Variants in TENM1 observed in about 807,000 individuals in gnomAD.
The protein encoded by TENM1 is teneurin transmembrane protein 1.
A neutral mutation model predicts 174.8 loss-of-function variants in TENM1; 35 were observed. The ratio of observed to expected loss-of-function variants is 0.20; its 90% CI spans 0.15 to 0.27. The LOEUF (loss-of-function observed/expected upper bound fraction) is 0.27, where lower values mean the gene tolerates loss of function less well. Ranked by LOEUF, TENM1 falls within the 10% of genes least tolerant of loss-of-function variation. The pLI is 1.00. For synonymous variants in TENM1, 781 were observed against 798.7 expected (o/e 0.98, Z 0.37); for missense variants, 1,633 against 2,130.1 (o/e 0.77, Z 4.59).
At chrX:124,520,680 A>T (rs993144750) in exon 18 of TENM1, 1 of 1,207,969 alleles carries the variant, frequency 8.3e-7, no homozygotes, top group African/African-American at 1.8e-5. Flanking sequence ...GAATCGTTGA[A>T]TGTGTCAGAA....
chrX:124,589,841 CT>C (rs1254884068), intron 11 of TENM1, among the ~76,000 whole-genome samples: 2 of 111,174 alleles, frequency 1.8e-5, no homozygotes, highest in Admixed American at 9.6e-5. Context: ...GTGTATCCAT[CT>C]TTTTTATCCT....
the TENM1 span, among the ~76,000 whole-genome samples, chrX:125,066,017 C>G: frequency 8.9e-6 from 1 of 112,001 alleles, no homozygotes; most frequent in East Asian, 2.8e-4. Flanking sequence ...AGAGAGTGAC[C>G]AAGATAGCTG....
chrX:124,459,952 C>A (rs1262686328), intron 22 of TENM1, among the ~76,000 whole-genome samples: 1 of 112,102 alleles, frequency 8.9e-6, no homozygotes, highest in Non-Finnish European at 1.9e-5. Context: ...AGAAGACATA[C>A]ATGTGGCCAA....
the TENM1 span, among the ~76,000 whole-genome samples, chrX:125,184,686 T>A: frequency 8.9e-6 from 1 of 111,776 alleles, no homozygotes; most frequent in Non-Finnish European, 1.9e-5. Context: ...AAAGAAAGTA[T>A]CAAGTGATGC....
chrX:125,170,669 T>C, the TENM1 span, among the ~76,000 whole-genome samples: 8 of 111,124 alleles, frequency 7.2e-5, no homozygotes, highest in Non-Finnish European at 9.5e-5. Context: ...TCCCACCCTA[T>C]GGGCTTCTTC....
chrX:124,419,603 A>G (rs1446650148), intron 25 of TENM1, among the ~76,000 whole-genome samples: 1 of 112,109 alleles, frequency 8.9e-6, no homozygotes, highest in East Asian at 2.8e-4. Context: ...TGTCAGACAC[A>G]TTTTGTGTTA....
Position 124,819,617 on chromosome X carries a change from G to T in TENM1, c.535+74679C>A, listed in dbSNP as rs2055989593. On this transcript the variant is annotated intron_variant, in intron 3 of 31. Coordinates refer to ENST00000422452, the Ensembl canonical transcript of TENM1. Reference sequence around the variant, plus strand: ...GCAAGAGAACATACGGCGTGAGAGGGTGGGGGAAACTGTTTCTGGCCTACA... The same window carrying T: ...GCAAGAGAACATACGGCGTGAGAGGTTGGGGGAAACTGTTTCTGGCCTACA... Among the ~76,000 whole-genome samples, 4 of 110,932 alleles carry T rather than the reference G, an allele frequency of 3.6e-5. No individual in the cohort carries two copies. In the South Asian group the frequency reaches 1.6e-3, roughly 43 times the overall value.
At chrX:124,405,359 G>C (rs1382123349) in intron 26 of TENM1, 93 bp from the exon 30 acceptor site, 4 of 720,907 alleles carry the variant, frequency 5.5e-6, no homozygotes. Context: ...GGCACGTTTG[G>C]GGGATAAGCA....
intron 6 of TENM1, among the ~76,000 whole-genome samples, chrX:124,664,885 A>T (rs1483805851): frequency 9.0e-6 from 1 of 111,581 alleles, no homozygotes; most frequent in Non-Finnish European, 1.9e-5. Context: ...GCTTTGAGAA[A>T]GGAATTTTTT....
At chrX:124,985,719 A>G in the TENM1 span, among the ~76,000 whole-genome samples, 1 of 111,913 alleles carries the variant, frequency 8.9e-6, no homozygotes, top group Non-Finnish European at 1.9e-5. Context: ...AAATCAATTT[A>G]GAGTTCACAG....
At chrX:124,591,478 T>C (rs1021098913) in intron 11 of TENM1, among the ~76,000 whole-genome samples, 1 of 112,056 alleles carries the variant, frequency 8.9e-6, no homozygotes, top group East Asian at 2.8e-4. Flanking sequence ...CCTTCACTTA[T>C]GAAGCATAGT....
intron 3 of TENM1, among the ~76,000 whole-genome samples, chrX:124,829,426 C>T (rs918126093): frequency 8.9e-6 from 1 of 111,931 alleles, no homozygotes; most frequent in Non-Finnish European, 1.9e-5. Flanking sequence ...TTGACAGTCA[C>T]GGAAAATGAA....
chrX:124,837,424 G>A (rs2056415509), intron 3 of TENM1, among the ~76,000 whole-genome samples: 1 of 112,176 alleles, frequency 8.9e-6, no homozygotes, highest in Non-Finnish European at 1.9e-5. Context: ...AGTTAGTTCA[G>A]TGACACAGAC....
In TENM1 at chrX:124,570,491, G is replaced by T. The variant is rs184716766; in HGVS notation, c.2078-4931C>A. On this transcript the variant is annotated intron_variant, in intron 11 of 31. Transcript: ENST00000422452. ...TAGCAAATCTAGCATTACATAACAA[G>T]AAATAATATCATGACCAATTTGTGC... is the stretch of plus-strand genomic sequence containing the variant. Among the ~76,000 whole-genome samples, 5 of 111,038 alleles carry T rather than the reference G, an allele frequency of 4.5e-5. No homozygotes were observed. The East Asian group carries it at 1.4e-3, about 31-fold the overall frequency.
chrX:125,144,098 T>C, the TENM1 span, among the ~76,000 whole-genome samples: 3 of 111,819 alleles, frequency 2.7e-5, no homozygotes, highest in African/African-American at 9.7e-5. Context: ...GCATTATCAG[T>C]GGTCCTAAGT....
At chrX:124,974,889 T>TATATATATATATATATATATATATATA in the TENM1 span, among the ~76,000 whole-genome samples, 3 of 88,534 alleles carry the variant, frequency 3.4e-5, 1 homozygote, top group African/African-American at 1.3e-4. Flanking sequence ...GGACTGACAC[T>TATATATATATATATATATATATATATA]ATATATATAT....
At chrX:124,993,819 C>T in the TENM1 span, among the ~76,000 whole-genome samples, 1 of 110,682 alleles carries the variant, frequency 9.0e-6, no homozygotes, top group Non-Finnish European at 1.9e-5. Context: ...TGCATGCACA[C>T]ACACACACAC....
chrX:124,738,267 C>T (rs1569420244), intron 3 of TENM1, among the ~76,000 whole-genome samples: 1 of 111,245 alleles, frequency 9.0e-6, no homozygotes, highest in Non-Finnish European at 1.9e-5. Context: ...CAGAGGCTTT[C>T]GATGCCTAGC....
chrX:124,381,103 A>G, exon 32 of TENM1: 1 of 1,211,391 alleles, frequency 8.3e-7, no homozygotes, highest in Non-Finnish European at 1.1e-6. Context: ...CTATAATATC[A>G]GCTGTTACTA....
Sources: allele counts gnomAD v4.1 joint callset (sites outside exome capture counted in the v4.1 genomes callset), GRCh38; gene constraint gnomAD v4.1.1; transcripts MANE v1.5; gene names NCBI Gene and HGNC (gene_info 2026-07-23, HGNC 2026-07-21).